TTC17: variants seen among roughly 807,000 people sequenced by gnomAD.
TTC17 encodes the protein tetratricopeptide repeat protein 17.
Under a neutral mutation model 143.8 loss-of-function variants are expected in TTC17, and 58 were observed. The ratio of observed to expected loss-of-function variants is 0.40; its 90% CI spans 0.33 to 0.50. TTC17 has a LOEUF of 0.50. TTC17 is among the 20% of genes least tolerant of loss of function. TTC17 has a pLI of 0.49. For missense variants in TTC17, 1,273 were observed against 1,392.5 expected (o/e 0.91, Z 1.37); for synonymous variants, 501 against 497.8 (o/e 1.01, Z -0.09).
intron 21 of TTC17, chr11:43,466,683 G>T: frequency 2.7e-6 from 1 of 367,600 alleles, no homozygotes; most frequent in South Asian, 2.5e-5. Flanking sequence ...CTTGTCCATG[G>T]CAAATGCTGC....
intron 1 of TTC17, among the ~76,000 whole-genome samples, chr11:43,377,549 A>G (rs569604431): frequency 1.2e-3 from 184 of 152,310 alleles, no homozygotes; most frequent in Non-Finnish European, 2.9e-4. Context: ...TCTGCAGTCA[A>G]CTTTTATCTG....
In TTC17 at chr11:43,424,250, G is replaced by A. The variant is rs543672644; in HGVS notation, c.2251+9474G>A. On this transcript the variant is annotated intron_variant, in intron 16 of 23. Transcript: ENST00000039989. ...TGGAAATACAGGTGCCCACCACCAT[G>A]CCTGGCTAATTTTTTGTATTTTTGG... Among the ~76,000 whole-genome samples, 14 of 151,824 alleles carry A rather than the reference G, an allele frequency of 9.2e-5. No homozygotes were observed. The South Asian group carries it at 2.5e-3, about 27-fold the overall frequency.
chr11:43,471,409 A>C (rs945976419), intron 21 of TTC17, among the ~76,000 whole-genome samples: 1 of 152,136 alleles, frequency 6.6e-6, no homozygotes, highest in Admixed American at 6.5e-5. Context: ...ATAAATTCTC[A>C]AGCTCATGTG....
Position 43,450,135 on chromosome 11 carries a change from C to T in TTC17, c.2840C>T (p.Pro947Leu). ...CCTATACAGCAGCCAGCAATGGAGC[C>T]TCTTTGCAATGGCAATCTCCCCACG... is the stretch of plus-strand genomic sequence containing the variant. ...ATPIQQPAME[P>L]LCNGNLPTSM... The change falls in exon 20 of 24, where the codon CCT becomes CTT. Residue 947 changes from proline (P) to leucine (L), a missense_variant. Around this residue, in one of 3 missense-constraint regions of TTC17, gnomAD observed 878 missense variants for 899.8 expected, o/e 0.98. Transcript: ENST00000039989. 3 of 1,614,184 alleles carry T rather than the reference C, an allele frequency of 1.9e-6. No individual in the cohort carries two copies. The highest frequency in any genetic ancestry group is 2.5e-6 in the Non-Finnish European group (3 of 1,180,026).
intron 1 of TTC17, among the ~76,000 whole-genome samples, chr11:43,364,791 A>G (rs1008158528): frequency 2.6e-5 from 4 of 152,092 alleles, no homozygotes; most frequent in African/African-American, 9.7e-5. Flanking sequence ...CACTTTTTCA[A>G]TTTTTTAAAT....
chr11:43,431,650 C>T (rs1306688488), intron 16 of TTC17, among the ~76,000 whole-genome samples: 4 of 152,222 alleles, frequency 2.6e-5, no homozygotes, highest in South Asian at 2.1e-4. Context: ...CCATGTGCTA[C>T]GCAATGGTCT....
At position 43,472,444 on chromosome 11, in the gene TTC17, A is replaced by G. The variant is rs1356699633; in HGVS notation, c.3031-17795A>G. Among the ~76,000 whole-genome samples the G allele has an allele frequency of 2.0e-5, 3 of 152,230 alleles. No homozygotes were observed. In the South Asian group the frequency reaches 6.2e-4, roughly 32 times the overall value. On this transcript the variant is annotated intron_variant, in intron 21 of 23. Coordinates refer to ENST00000039989, the MANE Select transcript of TTC17 (RefSeq NM_018259.6). ...GGAATTTAAGGTAAGAAGCATTACT[A>G]CAGTTAAAGACAGACATTTCATAAT...
intron 16 of TTC17, among the ~76,000 whole-genome samples, chr11:43,423,592 T>G (rs867927702): frequency 6.6e-6 from 1 of 152,272 alleles, no homozygotes; most frequent in Middle Eastern, 3.4e-3. Flanking sequence ...AGCTTTTAGT[T>G]GGTATTTTAA....
chr11:43,422,927 CA>C (rs748219614), intron 16 of TTC17, among the ~76,000 whole-genome samples: 3 of 152,244 alleles, frequency 2.0e-5, no homozygotes, highest in Admixed American at 1.3e-4. Context: ...GAAAGCCCTG[CA>C]GCATGTTTCA....
chr11:43,380,507 G>A lies in TTC17; in HGVS notation c.249+1185G>A, dbSNP rs901399761. Among the ~76,000 whole-genome samples the A allele has an allele frequency of 2.6e-5, 4 of 151,670 alleles. No individual in the cohort carries two copies. In the East Asian group the frequency reaches 5.8e-4, roughly 22 times the overall value. On this transcript the variant is annotated intron_variant, in intron 2 of 23. Transcript: ENST00000039989. ...TGACCTCAGGTGATCTGCCCACCTCGGCCTCCCAAAGTGCTGGGATTACAG... is the reference window on the plus strand; with the variant it reads ...TGACCTCAGGTGATCTGCCCACCTCAGCCTCCCAAAGTGCTGGGATTACAG...
At chr11:43,452,809 G>A (rs1398518364) in intron 21 of TTC17, among the ~76,000 whole-genome samples, 1 of 151,840 alleles carries the variant, frequency 6.6e-6, no homozygotes, top group Non-Finnish European at 1.5e-5. Flanking sequence ...TGTAGTCTCA[G>A]CTACTTGAGA....
At chr11:43,471,506 A>G (rs1046176020) in intron 21 of TTC17, among the ~76,000 whole-genome samples, 1 of 152,236 alleles carries the variant, frequency 6.6e-6, no homozygotes, top group African/African-American at 2.4e-5. Context: ...ATTTTTGCCA[A>G]CCAGCCCAGC....
intron 11 of TTC17, 51 bp from the exon 12 acceptor site, chr11:43,405,463 T>A: frequency 7.5e-7 from 1 of 1,340,786 alleles, no homozygotes; most frequent in Non-Finnish European, 1.1e-6. Context: ...ATTTAGCATA[T>A]TGAAATATTG....
At chr11:43,376,930 T>A (rs779571769) in intron 1 of TTC17, among the ~76,000 whole-genome samples, 36 of 152,194 alleles carry the variant, frequency 2.4e-4, no homozygotes, top group Non-Finnish European at 4.3e-4. Flanking sequence ...TACAGCATGT[T>A]ATGGTTCTGT....
Position 43,443,213 on chromosome 11 carries a change from T to A in TTC17, c.2252-112T>A, listed in dbSNP as rs1403483154. The A allele has an allele frequency of 5.7e-6, 7 of 1,220,572 alleles. No individual in the cohort carries two copies. In the African/African-American group the frequency reaches 1.1e-4, roughly 19 times the overall value. 75.6% of individuals were successfully genotyped at this position (1,220,572 alleles called of 1,614,324 possible). A position where few individuals can be genotyped will look rare whatever the true frequency, so the allele number is the denominator to read the frequency against. On this transcript the variant is annotated intron_variant, in intron 16 of 23. Transcript: ENST00000039989. ...GAATTTTTATTACATTGGGCTATAG[T>A]AGTGCCTCTAAGCAGAGCCAAAACG...
chr11:43,376,970 G>C (rs1474191953), intron 1 of TTC17, among the ~76,000 whole-genome samples: 1 of 152,118 alleles, frequency 6.6e-6, no homozygotes, highest in Admixed American at 6.5e-5. Flanking sequence ...GTAAGTATTT[G>C]TGTATCTAAA....
At chr11:43,411,636 C>T (rs547816377) in intron 15 of TTC17, among the ~76,000 whole-genome samples, 1 of 152,104 alleles carries the variant, frequency 6.6e-6, no homozygotes, top group East Asian at 1.9e-4. Flanking sequence ...GGATGAAGTT[C>T]AACTTTTTTT....
intron 21 of TTC17, among the ~76,000 whole-genome samples, chr11:43,471,694 G>A (rs1242732979): frequency 6.6e-6 from 1 of 152,214 alleles, no homozygotes; most frequent in Non-Finnish European, 1.5e-5. Flanking sequence ...CTAGGTTTTA[G>A]CATTATCAAG....
intron 15 of TTC17, among the ~76,000 whole-genome samples, chr11:43,413,384 T>C (rs1946701929): frequency 6.6e-6 from 1 of 152,166 alleles, no homozygotes; most frequent in South Asian, 2.1e-4. Context: ...ACAATAAGCC[T>C]TCTTTATGAA....
Sources: allele counts gnomAD v4.1 joint callset (sites outside exome capture counted in the v4.1 genomes callset), GRCh38; gene constraint gnomAD v4.1.1; regional missense constraint gnomAD v4.1.1; transcripts MANE v1.5; gene names NCBI Gene and HGNC (gene_info 2026-07-23, HGNC 2026-07-21).